UTP6: variants seen among roughly 807,000 people sequenced by gnomAD.
UTP6 encodes U3 small nucleolar RNA-associated protein 6 homolog.
A neutral mutation model predicts 96.5 loss-of-function variants in UTP6; 60 were observed. The observed-to-expected ratio is 0.62, with a 90% CI of 0.51 to 0.77. UTP6 has a LOEUF of 0.77. UTP6 is among the 30% of genes least tolerant of loss of function. The probability of loss-of-function intolerance (pLI) is 0.00; values close to 1 mark genes in which losing one functional copy is unlikely to be tolerated. For synonymous variants in UTP6, 215 were observed against 240.1 expected (o/e 0.90, Z 0.96); for missense variants, 637 against 706.5 (o/e 0.90, Z 1.12).
At chr17:31,891,231 T>G (rs1487136485) in intron 6 of UTP6, among the ~76,000 whole-genome samples, 2 of 152,148 alleles carry the variant, frequency 1.3e-5, no homozygotes, top group Admixed American at 6.6e-5. Flanking sequence ...ATGTGACTCC[T>G]AAAATTGAGC....
At chr17:31,892,481 C>G (rs1034626) in intron 5 of UTP6, among the ~76,000 whole-genome samples, 158 bp from the exon 6 acceptor site, 20,416 of 152,242 alleles carry the variant, frequency 0.13, 1,519 homozygotes, top group Middle Eastern at 0.19. Context: ...TCAAAATTTT[C>G]TACCTCAATT....
Position 31,887,232 on chromosome 17 carries a change from T to C in UTP6, c.621+4A>G. 1 of 1,613,202 alleles carries C rather than the reference T, an allele frequency of 6.2e-7. No individual in the cohort carries two copies. The highest frequency in any genetic ancestry group is 8.5e-7 in the Non-Finnish European group (1 of 1,179,184). ...AAGTGAGAATAAAATAATTAGAACC[T>C]TACCACATCCATACTGGCTTTTTCA... On this transcript the variant is annotated splice_donor_region_variant and intron_variant, in intron 8 of 18. Transcript: ENST00000261708.
In UTP6 at chr17:31,873,334, A is replaced by C. The variant is rs1413423701; in HGVS notation, c.1496+44T>G. ...ATAATCTGGGTATGAGCGGCTGAGC[A>C]TGGGGTAGAGGGACTAGTAACAACT... On this transcript the variant is annotated intron_variant, in intron 16 of 18. Transcript: ENST00000261708. The C allele has an allele frequency of 1.9e-6, 3 of 1,573,058 alleles. No homozygotes were observed. The African/African-American group carries it at 4.1e-5, about 21-fold the overall frequency.
rs1165755127 is a variant in UTP6 at position 31,887,281 on chromosome 17, T to C, written c.576A>G (p.Lys192=). Residue 192 remains lysine, a synonymous_variant, in exon 8 of 19, where the codon AAA becomes AAG. Transcript: ENST00000261708. ...YFRMELMHAE[K]LRKEKEEFEK... Reference sequence around the variant, plus strand: ...CAAATTCTTCCTTCTCCTTCCTCAGTTTTTCAGCATGCATCAGCTCCATCC... The same window carrying C: ...CAAATTCTTCCTTCTCCTTCCTCAGCTTTTCAGCATGCATCAGCTCCATCC... 1 of 1,613,950 alleles carries C rather than the reference T, an allele frequency of 6.2e-7. No homozygotes were observed. The highest frequency in any genetic ancestry group is 8.5e-7 in the Non-Finnish European group (1 of 1,179,974).
In UTP6 at chr17:31,887,247, TG is replaced by T. The variant is rs1911203620; in HGVS notation, c.609del (p.Ser204ValfsTer27). 2 of 1,614,002 alleles carry T rather than the reference TG, an allele frequency of 1.2e-6. No homozygotes were observed. Among genetic ancestry groups the T allele is most frequent in the Non-Finnish European group, 8.5e-7 (1 of 1,179,956 alleles). The stretch of plus-strand genomic sequence containing the variant: ...AATTAGAACCTTACCACATCCATAC[TG>T]GCTTTTTCAAATTCTTCCTTCTCCT... ...LRKEKEEFEK[A>X]SMDVENPDYS... On this transcript the variant is annotated frameshift_variant, in exon 8 of 19. Transcript: ENST00000261708. LOFTEE classifies it high-confidence loss of function.
In UTP6 at chr17:31,880,699, C is replaced by A; in HGVS notation, c.841G>T (p.Glu281Ter). 8.1e-6 allele frequency: 13 copies of A among 1,614,142 alleles called. No homozygotes were observed. Among genetic ancestry groups the A allele is most frequent in the Non-Finnish European group, 1.1e-5 (13 of 1,180,032 alleles). ...PLTWDYVARR[E>*]LEIESQTEEQ... Reference sequence around the variant, plus strand: ...TCTGTCTGTGACTCAATCTCTAATTCTCGCCTTGCCACATAATCCCAAGTG... The same window carrying A: ...TCTGTCTGTGACTCAATCTCTAATTATCGCCTTGCCACATAATCCCAAGTG... The change falls in exon 11 of 19, where the codon GAA becomes TAA. Residue 281 changes from glutamate to a stop codon, truncating the protein, a stop_gained. Coordinates refer to ENST00000261708, the MANE Select transcript of UTP6 (RefSeq NM_018428.3). LOFTEE classifies it high-confidence loss of function.
At chr17:31,892,939 G>T in intron 4 of UTP6, 145 bp from the exon 5 acceptor site, 2 of 883,782 alleles carry the variant, frequency 2.3e-6, no homozygotes, top group Non-Finnish European at 3.5e-6. Flanking sequence ...TTGTGAAGCC[G>T]AAGCGGGCGG....
intron 2 of UTP6, among the ~76,000 whole-genome samples, chr17:31,896,787 C>A (rs1904678700): frequency 6.6e-6 from 1 of 152,066 alleles, no homozygotes; most frequent in African/African-American, 2.4e-5. Flanking sequence ...CAGGTGTGCA[C>A]CACCATGCCC....
rs2142282755 is a variant in UTP6 at position 31,862,555 on chromosome 17, C to CAAA, written c.*801_*803dup. 6.6e-6 allele frequency: 1 copy of CAAA among 151,938 alleles called. No homozygotes were observed. The highest frequency in any genetic ancestry group is 2.4e-5 in the African/African-American group (1 of 41,432). 9.4% of individuals were successfully genotyped at this position (151,938 alleles called of 1,614,324 possible). A position where few individuals can be genotyped will look rare whatever the true frequency, so the allele number is the denominator to read the frequency against. ...ATCTTTTATAATGAGAATAAACCAA[C>CAAA]AAAACTGTACTTTCTCCTTTTTTTT... On this transcript the variant is annotated 3_prime_UTR_variant, in exon 19 of 19. Coordinates refer to ENST00000261708, the MANE Select transcript of UTP6 (RefSeq NM_018428.3).
At position 31,878,105 on chromosome 17, in the gene UTP6, G is replaced by C; in HGVS notation, c.1125+145C>G. 8 of 721,024 alleles carry C rather than the reference G, an allele frequency of 1.1e-5. No homozygotes were observed. The South Asian group carries it at 1.5e-4, about 14-fold the overall frequency. 44.7% of individuals were successfully genotyped at this position (721,024 alleles called of 1,614,324 possible). On this transcript the variant is annotated intron_variant, in intron 13 of 18. Transcript: ENST00000261708. The stretch of plus-strand genomic sequence containing the variant: ...ATTTTTTGCATAGGCCAAATACTGG[G>C]AAACACATATAAACACACTTCACAT...
intron 16 of UTP6, among the ~76,000 whole-genome samples, chr17:31,870,680 TCTGA>T (rs1023619198): frequency 5.3e-5 from 8 of 150,330 alleles, no homozygotes; most frequent in African/African-American, 2.0e-4. Context: ...CGCCACCACA[TCTGA>T]CTAATTTTTT....
chr17:31,899,804 T>A, intron 1 of UTP6, 74 bp from the exon 2 acceptor site: 2 of 1,101,198 alleles, frequency 1.8e-6, no homozygotes, highest in South Asian at 1.6e-5. Flanking sequence ...TGAATATATT[T>A]AAAACATGTT....
intron 18 of UTP6, 69 bp downstream of exon 18, chr17:31,865,297 G>C: frequency 6.6e-7 from 1 of 1,514,614 alleles, no homozygotes; most frequent in Non-Finnish European, 9.1e-7. Flanking sequence ...ACAGGCATGA[G>C]CCACTGTACT....
At chr17:31,879,861 T>C (rs898108229) in intron 11 of UTP6, among the ~76,000 whole-genome samples, 3 of 151,470 alleles carry the variant, frequency 2.0e-5, no homozygotes, top group African/African-American at 7.3e-5. Flanking sequence ...ATCCCAGCAC[T>C]TTAGGAGGCC....
intron 10 of UTP6, among the ~76,000 whole-genome samples, chr17:31,883,116 T>C (rs1460245275): frequency 7.2e-5 from 11 of 152,182 alleles, no homozygotes; most frequent in African/African-American, 2.4e-4. Context: ...GGAGGATCAC[T>C]TGAGCTCAGG....
intron 17 of UTP6, chr17:31,866,523 G>A (rs1471937629): frequency 2.6e-5 from 4 of 151,656 alleles, no homozygotes; most frequent in Non-Finnish European, 4.4e-5. Context: ...CACAAGGTCA[G>A]GAGTTCAAGA....
chr17:31,878,539 C>T (rs903710221), intron 12 of UTP6, among the ~76,000 whole-genome samples, 163 bp downstream of exon 12: 2 of 152,156 alleles, frequency 1.3e-5, no homozygotes, highest in African/African-American at 2.4e-5. Context: ...GGCGGCAAAC[C>T]AGACTCAGAC....
chr17:31,880,425 TAAA>T (rs775836222), intron 11 of UTP6, 145 bp downstream of exon 11: 4,165 of 659,460 alleles, frequency 6.3e-3, no homozygotes, highest in South Asian at 6.7e-3. Flanking sequence ...TGCCTCCCAA[TAAA>T]AAAAAAAAAA....
Position 31,875,326 on chromosome 17 carries a change from T to C in UTP6, c.1213A>G (p.Met405Val), listed in dbSNP as rs1372052514. ...AGCACCTGCAGCTTCAGCTGCCACA[T>C]TGTCCCAGAGTCTCTAAACAATTCA... is the stretch of plus-strand genomic sequence containing the variant. ...GTELFRDSGTMWQLKLQVLIE... is the reference protein window; with the variant it reads ...GTELFRDSGTVWQLKLQVLIE... Residue 405 changes from methionine to valine, a missense_variant, in exon 14 of 19, where the codon ATG becomes GTG. By Grantham distance (21) the Met-to-Val change is conservative (BLOSUM62 1). Coordinates refer to ENST00000261708, the MANE Select transcript of UTP6 (RefSeq NM_018428.3). The C allele has an allele frequency of 3.7e-6, 6 of 1,614,058 alleles. No individual in the cohort carries two copies. The highest frequency in any genetic ancestry group is 4.2e-6 in the Non-Finnish European group (5 of 1,180,032).
Sources: gnomAD v4.1 joint callset for allele counts (sites outside exome capture counted in the v4.1 genomes callset) on GRCh38, gnomAD v4.1.1 for gene constraint, MANE v1.5 for transcripts, NCBI Gene and HGNC (gene_info 2026-07-23, HGNC 2026-07-21) for gene names.